Variants in IL2RA observed in about 807,000 individuals in gnomAD.
IL2RA encodes interleukin 2 receptor subunit alpha.
Under a neutral mutation model 37.8 loss-of-function variants are expected in IL2RA, and 24 were observed. That is an observed-to-expected ratio of 0.63 (90% CI 0.46 to 0.89). IL2RA has a LOEUF of 0.89. Ranked by LOEUF, IL2RA falls within the 40% of genes least tolerant of loss-of-function variation. The pLI, the probability that IL2RA is intolerant of heterozygous loss-of-function variation, is 0.00. For missense variants in IL2RA, 319 were observed against 348.6 expected (o/e 0.92, Z 0.68); for synonymous variants, 125 against 114.6 (o/e 1.09, Z -0.58).
At chr10:6,042,513 C>T (rs945940705) in intron 1 of IL2RA, among the ~76,000 whole-genome samples, 1 of 151,914 alleles carries the variant, frequency 6.6e-6, no homozygotes, top group African/African-American at 2.4e-5. Flanking sequence ...AACACCCCAG[C>T]TAATGCAATG....
At chr10:6,032,404 A>C (rs1839609538) in intron 1 of IL2RA, among the ~76,000 whole-genome samples, 1 of 152,216 alleles carries the variant, frequency 6.6e-6, no homozygotes, top group Admixed American at 6.5e-5. Flanking sequence ...AAGAAAATGA[A>C]AAAGTAGGCA....
In IL2RA at chr10:6,018,244, C is replaced by T. The variant is rs1839311654; in HGVS notation, c.728-125G>A. 1 of 741,890 alleles carries T rather than the reference C, an allele frequency of 1.3e-6. No homozygotes were observed. Among genetic ancestry groups the T allele is most frequent in the Non-Finnish European group, 2.4e-6 (1 of 412,522 alleles). The allele number at this position is 741,890 out of a possible 1,614,324, so 46.0% of individuals were successfully genotyped here. ...CAAGGCGGAGGCTGCAGCCTCTCTT[C>T]CCTGTCTCAGGAAGTAGGTCCCTCC... On this transcript the variant is annotated intron_variant, in intron 6 of 7. Transcript: ENST00000379959. The surrounding 1 kb of genome is among the most constrained non-coding windows in gnomAD (Gnocchi z 5.1).
At chr10:6,039,274 A>G (rs1228685087) in intron 1 of IL2RA, 1 of 152,262 alleles carries the variant, frequency 6.6e-6, no homozygotes, top group Non-Finnish European at 1.5e-5. Context: ...ACTCAAAAAC[A>G]TCACTTCAAA....
rs1372867737 is a variant in IL2RA, at chr10:6,020,678, A to G, written c.584-737T>C. 2.0e-5 allele frequency among the ~76,000 whole-genome samples: 3 copies of G among 151,932 alleles called. No individual in the cohort carries two copies. Among genetic ancestry groups the G allele is most frequent in the African/African-American group, 4.8e-5 (2 of 41,366 alleles). ...CTCCCAAGTAGCTGGGATTACAGGC[A>G]CCCACCACCACGCCCAGATAATTTT... On this transcript the variant is annotated intron_variant, in intron 4 of 7. Transcript: ENST00000379959. The surrounding 1 kb of genome is among the most constrained non-coding windows in gnomAD (Gnocchi z 5.6).
chr10:6,037,651 G>A (rs1156326697), intron 1 of IL2RA, among the ~76,000 whole-genome samples: 1 of 152,166 alleles, frequency 6.6e-6, no homozygotes, highest in African/African-American at 2.4e-5. Flanking sequence ...CATCTTCTGT[G>A]TCAGAATCAG....
chr10:6,019,523 A>G, intron 5 of IL2RA, 24 bp from the exon 6 acceptor site: 14 of 1,557,168 alleles, frequency 9.0e-6, no homozygotes, highest in Non-Finnish European at 1.2e-5. Flanking sequence ...ATAAAGAGAG[A>G]CACTCCTGCT....
At chr10:6,017,633 T>C (rs1839302242) in intron 7 of IL2RA, among the ~76,000 whole-genome samples, 1 of 135,274 alleles carries the variant, frequency 7.4e-6, no homozygotes, top group South Asian at 2.7e-4. Context: ...TGGAGTGCAG[T>C]GGTGAGATTT....
In IL2RA at chr10:6,035,141, C is replaced by T. The variant is rs1348190592; in HGVS notation, c.65-9116G>A. On this transcript the variant is annotated intron_variant, in intron 1 of 7. Transcript: ENST00000379959. This position sits in a 1 kb window ranked among gnomAD's most constrained non-coding sequence, Gnocchi z 5.4. The stretch of plus-strand genomic sequence containing the variant: ...GGCACAGGGCTGAGAAGCAGTGGGG[C>T]TCCTGTCCACCCTGCCCAGCACCTA... Among the ~76,000 whole-genome samples the T allele has an allele frequency of 6.6e-6, 1 of 152,168 alleles. No homozygotes were observed. The highest frequency in any genetic ancestry group is 1.5e-5 in the Non-Finnish European group (1 of 68,030).
rs1008223747 is a variant in IL2RA at position 6,035,432 on chromosome 10, G to A, written c.65-9407C>T. On this transcript the variant is annotated intron_variant, in intron 1 of 7. Coordinates refer to ENST00000379959, the MANE Select transcript of IL2RA (RefSeq NM_000417.3). This position sits in a 1 kb window ranked among gnomAD's most constrained non-coding sequence, Gnocchi z 5.4. ...CGGAGCTGCTCTTGCACACGGTTTCGTGGGCTGGATTTTCTCTGTTGCACA... is the reference window on the plus strand; with the variant it reads ...CGGAGCTGCTCTTGCACACGGTTTCATGGGCTGGATTTTCTCTGTTGCACA... 3.3e-5 allele frequency among the ~76,000 whole-genome samples: 5 copies of A among 152,220 alleles called. No individual in the cohort carries two copies. The highest frequency in any genetic ancestry group is 4.4e-5 in the Non-Finnish European group (3 of 68,032).
rs960467217 is a variant in IL2RA, at chr10:6,044,629, G to A, written c.64+17459C>T. Among the ~76,000 whole-genome samples the A allele has an allele frequency of 1.3e-5, 2 of 152,196 alleles. No homozygotes were observed. Among genetic ancestry groups the A allele is most frequent in the East Asian group, 1.9e-4 (1 of 5,204 alleles). ...TAGTCCTCAATTTTGTCCGATGTCTGAGCCCTGCCTCGGGGGTTGAGTCCC... is the reference window on the plus strand; with the variant it reads ...TAGTCCTCAATTTTGTCCGATGTCTAAGCCCTGCCTCGGGGGTTGAGTCCC... On this transcript the variant is annotated intron_variant, in intron 1 of 7. Transcript: ENST00000379959. This position sits in a 1 kb window ranked among gnomAD's most constrained non-coding sequence, Gnocchi z 4.5.
intron 7 of IL2RA, chr10:6,017,304 T>C (rs1356568600): frequency 1.3e-5 from 2 of 152,418 alleles, no homozygotes; most frequent in African/African-American, 2.4e-5. Context: ...GAGCACAGGA[T>C]AGGCAAAGCT....
chr10:6,060,270 C>T (rs1010831507), intron 1 of IL2RA, among the ~76,000 whole-genome samples: 4 of 151,978 alleles, frequency 2.6e-5, no homozygotes, highest in South Asian at 2.1e-4. Flanking sequence ...GGAAAGGGTG[C>T]GAGGTGGGTG....
intron 1 of IL2RA, among the ~76,000 whole-genome samples, chr10:6,027,535 C>T (rs1839505139): frequency 6.6e-6 from 1 of 152,218 alleles, no homozygotes; most frequent in African/African-American, 2.4e-5. Flanking sequence ...TAACTTCTAG[C>T]TCCAGCAGCT....
At chr10:6,030,549 C>A (rs981945776) in intron 1 of IL2RA, among the ~76,000 whole-genome samples, 6 of 152,158 alleles carry the variant, frequency 3.9e-5, no homozygotes, top group Non-Finnish European at 8.8e-5. Context: ...AGACAATATC[C>A]TCTAAAAATG....
rs201225509 is a variant in IL2RA, at chr10:6,020,952, TGC to T, written c.583+524_583+525del. On this transcript the variant is annotated intron_variant, in intron 4 of 7. Coordinates refer to ENST00000379959, the MANE Select transcript of IL2RA (RefSeq NM_000417.3). The surrounding 1 kb of genome is among the most constrained non-coding windows in gnomAD (Gnocchi z 5.6). ...GAGTATGTGTGTGTGTGTGTGTGTG[TGC>T]GCGCATGTGCACTGAGTAAGTCCCG... 7.0e-6 allele frequency among the ~76,000 whole-genome samples: 1 copy of T among 143,444 alleles called. No individual in the cohort carries two copies. The highest frequency in any genetic ancestry group is 2.2e-4 in the South Asian group (1 of 4,520). 94.1% of individuals were successfully genotyped at this position (143,444 alleles called of 152,430 possible).
chr10:6,023,314 C>G (rs1218351705), intron 3 of IL2RA, among the ~76,000 whole-genome samples: 1 of 152,040 alleles, frequency 6.6e-6, no homozygotes, highest in Non-Finnish European at 1.5e-5. Flanking sequence ...CTAGCAGGTT[C>G]TGTGGGTTTT....
chr10:6,042,289 T>A (rs1839784980), intron 1 of IL2RA, among the ~76,000 whole-genome samples: 1 of 151,684 alleles, frequency 6.6e-6, no homozygotes, highest in Non-Finnish European at 1.5e-5. Flanking sequence ...TTTTAATAGA[T>A]GAAGAAGAGC....
At chr10:6,051,882 A>G (rs904698622) in intron 1 of IL2RA, among the ~76,000 whole-genome samples, 1 of 130,902 alleles carries the variant, frequency 7.6e-6, no homozygotes, top group Non-Finnish European at 1.6e-5. Flanking sequence ...GCTACAAAGT[A>G]TATAATAATG....
Position 6,018,043 on chromosome 10 carries a change from CCA to C in IL2RA, c.794+8_794+9del, listed in dbSNP as rs1839307647. 1 of 1,612,716 alleles carries C rather than the reference CCA, an allele frequency of 6.2e-7. No homozygotes were observed. The highest frequency in any genetic ancestry group is 8.5e-7 in the Non-Finnish European group (1 of 1,178,996). On this transcript the variant is annotated splice_region_variant and intron_variant, in intron 7 of 7. Coordinates refer to ENST00000379959, the MANE Select transcript of IL2RA (RefSeq NM_000417.3). This position sits in a 1 kb window ranked among gnomAD's most constrained non-coding sequence, Gnocchi z 5.1. Reference sequence around the variant, plus strand: ...CTGACCAAGGGCTGCCTTGGTGATGCCACACTTACTGTCTCCGCTGCCAGGTG... The same window carrying C: ...CTGACCAAGGGCTGCCTTGGTGATGCCACTTACTGTCTCCGCTGCCAGGTG...
Sources: allele counts gnomAD v4.1 joint callset (sites outside exome capture counted in the v4.1 genomes callset), GRCh38; gene constraint gnomAD v4.1.1; non-coding constraint Gnocchi (gnomAD v3.1); transcripts MANE v1.5; gene names NCBI Gene and HGNC (gene_info 2026-07-23, HGNC 2026-07-21).